NBEA: variants seen among roughly 807,000 people sequenced by gnomAD.
The protein encoded by NBEA is neurobeachin, also known as lysosomal-trafficking regulator 2.
NBEA carries 44 observed loss-of-function variants against 343.4 expected under a neutral mutation model. That is an observed-to-expected ratio of 0.13 (90% CI 0.10 to 0.16). The LOEUF (loss-of-function observed/expected upper bound fraction) is 0.16, where lower values mean the gene tolerates loss of function less well. Ranked by LOEUF, NBEA falls within the 10% of genes least tolerant of loss-of-function variation. The pLI, the probability that NBEA is intolerant of heterozygous loss-of-function variation, is 1.00. For missense variants in NBEA, 2,555 were observed against 3,631.3 expected, an observed-to-expected ratio of 0.70 and a Z score of 7.62; for synonymous variants, 1,175 against 1,238.7, an observed-to-expected ratio of 0.95 and a Z score of 1.08.
intron 40 of NBEA, among the ~76,000 whole-genome samples, chr13:35,468,775 A>G (rs1385066349): frequency 6.6e-6 from 1 of 152,102 alleles, no homozygotes; most frequent in Non-Finnish European, 1.5e-5. Context: ...AAATTTGTGA[A>G]TATTGGACTA....
At chr13:35,589,662 A>G (rs1391211624) in intron 46 of NBEA, among the ~76,000 whole-genome samples, 1 of 152,128 alleles carries the variant, frequency 6.6e-6, no homozygotes, top group Non-Finnish European at 1.5e-5. Context: ...AGTTGAGTAA[A>G]GAGAAGAGGC....
At chr13:35,433,910 C>T (rs1414567254) in intron 39 of NBEA, among the ~76,000 whole-genome samples, 3 of 151,946 alleles carry the variant, frequency 2.0e-5, no homozygotes, top group African/African-American at 4.8e-5. Context: ...ATAATTTAGA[C>T]TTTTTCACCA....
At chr13:35,432,415 A>G (rs1475660064) in intron 39 of NBEA, 22 bp downstream of exon 39, 22 of 1,538,584 alleles carry the variant, frequency 1.4e-5, no homozygotes, top group Non-Finnish European at 1.8e-5. Flanking sequence ...TGCTTCTTCC[A>G]CAAAAATACT....
intron 1 of NBEA, among the ~76,000 whole-genome samples, chr13:35,029,043 CT>C (rs1462393609): frequency 7.9e-5 from 12 of 151,400 alleles, no homozygotes; most frequent in Non-Finnish European, 1.5e-4. Flanking sequence ...TAGTATTGGG[CT>C]TCTTTCTTTT....
At chr13:35,669,118 T>C (rs2085489190) in intron 58 of NBEA, among the ~76,000 whole-genome samples, 2 of 152,236 alleles carry the variant, frequency 1.3e-5, no homozygotes, top group Admixed American at 1.3e-4. Context: ...AGAGTTGATA[T>C]GGATGTTAAT....
chr13:35,601,761 C>CAAAAAAAAAAAAAAAA lies in NBEA; in HGVS notation c.7297-4656_7297-4641dup, dbSNP rs869213180. Among the ~76,000 whole-genome samples, 84 of 114,908 alleles carry CAAAAAAAAAAAAAAAA rather than the reference C, an allele frequency of 7.3e-4. 1 individual carries two copies. Among genetic ancestry groups the CAAAAAAAAAAAAAAAA allele is most frequent in the African/African-American group, 2.8e-3 (77 of 27,274 alleles). 75.4% of individuals were successfully genotyped at this position (114,908 alleles called of 152,430 possible). ...TGGGTGGCAGAGCAGGACTCCATCG[C>CAAAAAAAAAAAAAAAA]AAAAAAAAAAAAAAAAAAAAAAAAG... On this transcript the variant is annotated intron_variant, in intron 47 of 58. Transcript: ENST00000379939.
At chr13:35,208,928 T>C in intron 32 of NBEA, 74 bp downstream of exon 32, 1 of 1,092,658 alleles carries the variant, frequency 9.2e-7, no homozygotes. Flanking sequence ...TATTTGATCT[T>C]AAAAATTAAA....
At chr13:35,151,250 T>C (rs903147184) in intron 18 of NBEA, among the ~76,000 whole-genome samples, 7 of 151,340 alleles carry the variant, frequency 4.6e-5, no homozygotes, top group African/African-American at 1.7e-4. Context: ...AAACAATAAA[T>C]TTGAAGTCAC....
chr13:35,111,497 T>C (rs1377443702), intron 13 of NBEA, among the ~76,000 whole-genome samples: 2 of 151,948 alleles, frequency 1.3e-5, no homozygotes, highest in African/African-American at 4.8e-5. Flanking sequence ...ACCCCAAGAA[T>C]AATTACTGAT....
At chr13:34,950,870 C>G (rs1162833360) in intron 1 of NBEA, among the ~76,000 whole-genome samples, 1 of 152,052 alleles carries the variant, frequency 6.6e-6, no homozygotes, top group Non-Finnish European at 1.5e-5. Context: ...GGGAGGATTG[C>G]TTGAGCCAGG....
chr13:35,330,932 A>G (rs947255982), intron 36 of NBEA, among the ~76,000 whole-genome samples: 2 of 152,052 alleles, frequency 1.3e-5, no homozygotes, highest in African/African-American at 2.4e-5. Flanking sequence ...TTTACAGCCT[A>G]TGAAAATGAG....
chr13:35,015,507 C>A (rs963503406), intron 1 of NBEA, among the ~76,000 whole-genome samples: 10 of 151,798 alleles, frequency 6.6e-5, no homozygotes, highest in African/African-American at 2.4e-4. Context: ...AACTACTTTC[C>A]ATTTTTTTTT....
intron 40 of NBEA, among the ~76,000 whole-genome samples, chr13:35,455,159 G>A (rs1594694952): frequency 6.6e-6 from 1 of 151,932 alleles, no homozygotes; most frequent in Non-Finnish European, 1.5e-5. Flanking sequence ...TAATTGTAAA[G>A]GTAAACCTAA....
intron 55 of NBEA, among the ~76,000 whole-genome samples, chr13:35,658,048 A>G (rs2084903390): frequency 6.6e-6 from 1 of 152,196 alleles, no homozygotes; most frequent in Non-Finnish European, 1.5e-5. Context: ...TCAGTTAGCA[A>G]GAAAAGTTAA....
chr13:35,229,130 A>G (rs1193180289), intron 33 of NBEA, among the ~76,000 whole-genome samples: 1 of 152,138 alleles, frequency 6.6e-6, no homozygotes, highest in Non-Finnish European at 1.5e-5. Context: ...TCCTGGGCTC[A>G]AGCTATCCTC....
At chr13:35,594,297 T>G (rs2081663045) in intron 47 of NBEA, among the ~76,000 whole-genome samples, 1 of 152,094 alleles carries the variant, frequency 6.6e-6, no homozygotes, top group African/African-American at 2.4e-5. Context: ...CAACAAAAGT[T>G]AGTGAGTTAA....
chr13:35,531,080 C>T (rs757602268), intron 41 of NBEA, among the ~76,000 whole-genome samples: 198 of 152,062 alleles, frequency 1.3e-3, no homozygotes, highest in Non-Finnish European at 2.4e-3. Flanking sequence ...TGATAGGGCC[C>T]CTTTAAGACT....
At chr13:35,453,155 G>C (rs990253740) in intron 40 of NBEA, among the ~76,000 whole-genome samples, 12 of 152,150 alleles carry the variant, frequency 7.9e-5, no homozygotes, top group Admixed American at 6.5e-4. Flanking sequence ...CTTTATGAAA[G>C]TCTCTAGTGA....
intron 10 of NBEA, among the ~76,000 whole-genome samples, chr13:35,095,781 T>C (rs2065302271): frequency 6.6e-6 from 1 of 152,098 alleles, no homozygotes; most frequent in Non-Finnish European, 1.5e-5. Flanking sequence ...AGTAAAATAC[T>C]CCTATGAAAA....
Sources: gnomAD v4.1 joint callset for allele counts (sites outside exome capture counted in the v4.1 genomes callset) on GRCh38, gnomAD v4.1.1 for gene constraint, MANE v1.5 for transcripts, NCBI Gene and HGNC (gene_info 2026-07-23, HGNC 2026-07-21) for gene names.